The following FAM227B variants were observed in gnomAD, a reference collection of about 807,000 sequenced individuals.
FAM227B encodes protein FAM227B.
Under a neutral mutation model 73.8 loss-of-function variants are expected in FAM227B, and 88 were observed. The observed-to-expected ratio is 1.19, with a 90% CI of 1.00 to 1.42. The LOEUF is 1.42. FAM227B is among the 40% of genes most tolerant of loss of function. FAM227B has a pLI of 0.00. For missense variants in FAM227B, 632 were observed against 590.9 expected, an observed-to-expected ratio of 1.07 and a Z score of -0.72; for synonymous variants, 210 against 190.5, an observed-to-expected ratio of 1.10 and a Z score of -0.84.
chr15:49,434,850 T>A (rs1567268989), intron 11 of FAM227B, among the ~76,000 whole-genome samples: 1 of 151,010 alleles, frequency 6.6e-6, no homozygotes, highest in Non-Finnish European at 1.5e-5. Context: ...AAAAACTAAT[T>A]AATAATTAAT....
intron 11 of FAM227B, among the ~76,000 whole-genome samples, chr15:49,372,048 G>GAAATAAAATTCACTTATAAATCAATA (rs2045864635): frequency 2.3e-5 from 2 of 87,842 alleles, no homozygotes; most frequent in Non-Finnish European, 4.9e-5. Context: ...ATAAATCAAT[G>GAAATAAAATTCACTTATAAATCAATA]AAATAAAATT....
At chr15:49,508,091 T>C (rs2058712269) in intron 11 of FAM227B, 120 bp downstream of exon 11, 1 of 997,000 alleles carries the variant, frequency 1.0e-6, no homozygotes, top group Non-Finnish European at 1.5e-6. Context: ...AATCTATAAA[T>C]CAAATGTTAT....
intron 10 of FAM227B, among the ~76,000 whole-genome samples, chr15:49,510,411 TTGGA>T (rs201703742): frequency 0.01 from 1,538 of 152,278 alleles, 20 homozygotes; most frequent in Middle Eastern, 0.02. Flanking sequence ...TTAATAATTG[TTGGA>T]TGTTTTTGTT....
At chr15:49,450,990 C>A (rs2052672313) in intron 11 of FAM227B, among the ~76,000 whole-genome samples, 1 of 152,062 alleles carries the variant, frequency 6.6e-6, no homozygotes, top group African/African-American at 2.4e-5. Context: ...CTGGTCAGTG[C>A]CATCTGTATG....
intron 13 of FAM227B, among the ~76,000 whole-genome samples, chr15:49,352,410 T>C (rs1212581656): frequency 6.6e-6 from 1 of 152,204 alleles, no homozygotes; most frequent in Non-Finnish European, 1.5e-5. Flanking sequence ...TTGAAAAATA[T>C]AATCTGCCAT....
At chr15:49,579,235 A>G (rs1037119198) in intron 5 of FAM227B, among the ~76,000 whole-genome samples, 6 of 152,208 alleles carry the variant, frequency 3.9e-5, no homozygotes, top group African/African-American at 1.4e-4. Context: ...CATGGAAAAC[A>G]GTACAGAGGT....
At chr15:49,556,624 A>C (rs905009178) in intron 9 of FAM227B, among the ~76,000 whole-genome samples, 3 of 152,072 alleles carry the variant, frequency 2.0e-5, no homozygotes, top group Non-Finnish European at 4.4e-5. Flanking sequence ...CCATTGCCAT[A>C]CTGCAAGCAA....
chr15:49,455,119 T>C (rs1206847334), intron 11 of FAM227B, among the ~76,000 whole-genome samples: 1 of 152,174 alleles, frequency 6.6e-6, no homozygotes, highest in Non-Finnish European at 1.5e-5. Flanking sequence ...CCCTCACCTA[T>C]TGAGTCAAAA....
intron 11 of FAM227B, among the ~76,000 whole-genome samples, chr15:49,407,011 T>A (rs2048560387): frequency 6.6e-6 from 1 of 152,186 alleles, no homozygotes; most frequent in South Asian, 2.1e-4. Context: ...AGTGCTCAGG[T>A]TGGACTGGCC....
chr15:49,433,754 G>C (rs936017317), intron 11 of FAM227B, among the ~76,000 whole-genome samples: 6 of 151,706 alleles, frequency 4.0e-5, no homozygotes, highest in African/African-American at 1.5e-4. Flanking sequence ...ACCAATTCTA[G>C]AGGAGCTGTG....
At chr15:49,413,229 G>A (rs1228363153) in intron 11 of FAM227B, among the ~76,000 whole-genome samples, 1 of 151,996 alleles carries the variant, frequency 6.6e-6, no homozygotes, top group African/African-American at 2.4e-5. Context: ...GGGGGCAGTT[G>A]CCTCCATACT....
chr15:49,445,502 C>A (rs760315825), intron 11 of FAM227B, among the ~76,000 whole-genome samples: 3 of 151,506 alleles, frequency 2.0e-5, no homozygotes, highest in Non-Finnish European at 3.0e-5. Context: ...AACAAACAGA[C>A]CTTTTGCTTA....
chr15:49,539,163 T>C (rs1233308565), intron 10 of FAM227B, among the ~76,000 whole-genome samples: 1 of 152,126 alleles, frequency 6.6e-6, no homozygotes, highest in Non-Finnish European at 1.5e-5. Flanking sequence ...TTGGTGAGCA[T>C]GCAACAGCTT....
intron 11 of FAM227B, among the ~76,000 whole-genome samples, chr15:49,472,936 A>G (rs1490255332): frequency 6.6e-6 from 1 of 152,158 alleles, no homozygotes; most frequent in Non-Finnish European, 1.5e-5. Flanking sequence ...ATACTCATGT[A>G]TCAGTTATTT....
chr15:49,478,958 A>AT (rs2055624321), intron 11 of FAM227B, among the ~76,000 whole-genome samples: 1 of 152,172 alleles, frequency 6.6e-6, no homozygotes, highest in African/African-American at 2.4e-5. Flanking sequence ...ATTTTAGAGA[A>AT]TTTTTTTAAA....
At chr15:49,487,079 T>C (rs58284238) in intron 11 of FAM227B, 49,256 of 151,744 alleles carry the variant, frequency 0.32, 8,725 homozygotes, top group African/African-American at 0.45. Context: ...TGTTGAGATA[T>C]AGCCTTTACA....
At chr15:49,422,161 TGTGC>T (rs1476746443) in intron 11 of FAM227B, among the ~76,000 whole-genome samples, 77 of 111,104 alleles carry the variant, frequency 6.9e-4, no homozygotes, top group East Asian at 1.4e-3. Context: ...TGTGTGTGTG[TGTGC>T]GCGCGCGCGC....
At chr15:49,332,381 A>G (rs916543696) in intron 14 of FAM227B, among the ~76,000 whole-genome samples, 6 of 152,244 alleles carry the variant, frequency 3.9e-5, no homozygotes, top group Admixed American at 1.3e-4. Context: ...GGAAAAGGCC[A>G]GTGGGTGACA....
chr15:49,620,438 G>A (rs536273955), intron 1 of FAM227B, among the ~76,000 whole-genome samples: 21 of 152,134 alleles, frequency 1.4e-4, no homozygotes, highest in Non-Finnish European at 2.6e-4. Flanking sequence ...ACGGACAAAT[G>A]TTCTAATAAC....
Sources: allele counts gnomAD v4.1 joint callset (sites outside exome capture counted in the v4.1 genomes callset), GRCh38; gene constraint gnomAD v4.1.1; transcripts MANE v1.5; gene names NCBI Gene and HGNC (gene_info 2026-07-23, HGNC 2026-07-21).